The following RFC3 variants were observed in gnomAD, a reference collection of about 807,000 sequenced individuals.
The protein encoded by RFC3 is replication factor C subunit 3.
A neutral mutation model predicts 45.1 loss-of-function variants in RFC3; 41 were observed. The observed-to-expected ratio is 0.91, with a 90% confidence interval of 0.71 to 1.18. RFC3 has a LOEUF of 1.18. Ranked by LOEUF, RFC3 falls within the 50% of genes most tolerant of loss-of-function variation. The pLI, the probability that RFC3 is intolerant of heterozygous loss-of-function variation, is 0.00. For missense variants in RFC3, 423 were observed against 428.1 expected, an observed-to-expected ratio of 0.99 and a Z score of 0.10; for synonymous variants, 149 against 144.0, an observed-to-expected ratio of 1.03 and a Z score of -0.25.
chr13:33,953,231 C>T (rs2083001095), intron 8 of RFC3, among the ~76,000 whole-genome samples: 1 of 148,192 alleles, frequency 6.7e-6, no homozygotes, highest in Admixed American at 6.8e-5. Context: ...TGTGAATATT[C>T]TGTTGCTCTG....
chr13:33,925,097 C>G (rs2082796154), intron 8 of RFC3, among the ~76,000 whole-genome samples: 1 of 140,270 alleles, frequency 7.1e-6, no homozygotes, highest in Non-Finnish European at 1.5e-5. Flanking sequence ...ATATAGTGTA[C>G]TATATACACG....
At chr13:33,899,450 A>G (rs1334800977) in intron 8 of RFC3, among the ~76,000 whole-genome samples, 1 of 151,818 alleles carries the variant, frequency 6.6e-6, no homozygotes, top group East Asian at 1.9e-4. Flanking sequence ...ATTTCAATAG[A>G]TGCTAAAAAC....
At position 33,910,757 on chromosome 13, in the gene RFC3, G is replaced by T. The variant is rs529450344; in HGVS notation, c.880-55330G>T. On this transcript the variant is annotated intron_variant, in intron 8 of 8. Coordinates refer to the RFC3 transcript ENST00000434425. Reference sequence around the variant, plus strand: ...ACTGGGTAATTTATAAAGAAAAAAGGTATAATTGACTCATGGTTCCACAGG... The same window carrying T: ...ACTGGGTAATTTATAAAGAAAAAAGTTATAATTGACTCATGGTTCCACAGG... 4.6e-5 allele frequency among the ~76,000 whole-genome samples: 7 copies of T among 152,182 alleles called. No homozygotes were observed. In the South Asian group the frequency reaches 8.3e-4, roughly 18 times the overall value.
downstream of RFC3, among the ~76,000 whole-genome samples, chr13:33,842,489 C>T (rs960832907): frequency 6.6e-6 from 1 of 152,146 alleles, no homozygotes; most frequent in Non-Finnish European, 1.5e-5. Context: ...CAACTCTTAA[C>T]GTAGGAGTGC....
rs775443068 is a variant in RFC3, at chr13:33,818,214, C to T, written c.36C>T (p.Ser12=). 26 of 1,613,540 alleles carry T rather than the reference C, an allele frequency of 1.6e-5. No individual in the cohort carries two copies. Among genetic ancestry groups the T allele is most frequent in the Non-Finnish European group, 1.9e-5 (23 of 1,179,998 alleles). The change falls in exon 1 of 9, where the codon TCC becomes TCT. Residue 12 remains serine, a synonymous_variant. Transcript: ENST00000380071. ...GGGTGGACAAGTATCGGCCCTGCTCCTTGGGACGGCTGGACTATCACAAGG... is the reference window on the plus strand; with the variant it reads ...GGGTGGACAAGTATCGGCCCTGCTCTTTGGGACGGCTGGACTATCACAAGG... ...SLWVDKYRPC[S]LGRLDYHKEQ...
chr13:33,927,037 T>TTA (rs1253819674), intron 8 of RFC3, among the ~76,000 whole-genome samples: 4 of 152,038 alleles, frequency 2.6e-5, no homozygotes, highest in African/African-American at 9.7e-5. Flanking sequence ...TGATAATAGA[T>TTA]TATATATCAT....
At chr13:33,910,997 A>C (rs542465221) in intron 8 of RFC3, among the ~76,000 whole-genome samples, 19 of 152,042 alleles carry the variant, frequency 1.2e-4, no homozygotes, top group Non-Finnish European at 2.6e-4. Flanking sequence ...ACCTCTCACC[A>C]CACCCCACCT....
At chr13:33,858,764 C>T (rs960198812) in intron 8 of RFC3, among the ~76,000 whole-genome samples, 1 of 152,096 alleles carries the variant, frequency 6.6e-6, no homozygotes, top group South Asian at 2.1e-4. Context: ...TATCTCTGTT[C>T]TATCCATGGA....
intron 8 of RFC3, among the ~76,000 whole-genome samples, chr13:33,866,834 T>C (rs2082376762): frequency 6.6e-6 from 1 of 152,176 alleles, no homozygotes; most frequent in Non-Finnish European, 1.5e-5. Context: ...GAGGAATAGG[T>C]ATTTAAAAAG....
At chr13:33,924,191 G>A (rs758191354) in intron 8 of RFC3, among the ~76,000 whole-genome samples, 2 of 152,138 alleles carry the variant, frequency 1.3e-5, no homozygotes, top group Non-Finnish European at 2.9e-5. Flanking sequence ...AAAGACAAGT[G>A]TAGATGTATT....
chr13:33,954,858 A>G lies in RFC3; in HGVS notation c.880-11229A>G, dbSNP rs529250065. On this transcript the variant is annotated intron_variant, in intron 8 of 8. Transcript: ENST00000434425. The stretch of plus-strand genomic sequence containing the variant: ...ACACACTGGGGATAAAGGCTTCAAC[A>G]TATGAATTTTAGGGGAACACAAACC... Among the ~76,000 whole-genome samples, 571 of 152,358 alleles carry G rather than the reference A, an allele frequency of 3.7e-3. 3 individuals are homozygous for G. Among genetic ancestry groups the G allele is most frequent in the Non-Finnish European group, 5.7e-3 (386 of 68,036 alleles).
At chr13:33,932,146 C>G (rs771204105) in intron 8 of RFC3, among the ~76,000 whole-genome samples, 4 of 152,066 alleles carry the variant, frequency 2.6e-5, no homozygotes, top group Non-Finnish European at 5.9e-5. Context: ...TGAAATTTAC[C>G]ATCTCAATAG....
chr13:33,951,532 G>A (rs1187565344), intron 8 of RFC3, among the ~76,000 whole-genome samples: 1 of 151,886 alleles, frequency 6.6e-6, no homozygotes, highest in Non-Finnish European at 1.5e-5. Context: ...ACACCCAGCT[G>A]TAAATAACTT....
chr13:33,953,514 T>C (rs1366053732), intron 8 of RFC3, among the ~76,000 whole-genome samples: 1 of 152,122 alleles, frequency 6.6e-6, no homozygotes, highest in Non-Finnish European at 1.5e-5. Context: ...GTCATAAATA[T>C]AGTCTTAAGA....
chr13:33,862,269 T>G (rs2082345628), intron 8 of RFC3, among the ~76,000 whole-genome samples: 1 of 151,866 alleles, frequency 6.6e-6, no homozygotes, highest in Admixed American at 6.6e-5. Context: ...TTTTTTTTTT[T>G]TTTGTCTGAC....
At chr13:33,830,291 C>A (rs1028220724) in intron 5 of RFC3, among the ~76,000 whole-genome samples, 1 of 152,108 alleles carries the variant, frequency 6.6e-6, no homozygotes, top group Non-Finnish European at 1.5e-5. Context: ...TTACTGTCTT[C>A]TTTCTCAAGC....
intron 8 of RFC3, among the ~76,000 whole-genome samples, chr13:33,925,146 C>CA (rs1341025156): frequency 2.1e-5 from 3 of 144,844 alleles, no homozygotes; most frequent in Non-Finnish European, 4.5e-5. Context: ...ATATAGTGTA[C>CA]TATATACATA....
chr13:33,879,750 C>T (rs1377820055), intron 8 of RFC3, among the ~76,000 whole-genome samples: 2 of 152,150 alleles, frequency 1.3e-5, no homozygotes, highest in South Asian at 2.1e-4. Context: ...ATCTACATAT[C>T]GCTTATCTTT....
At chr13:33,880,254 A>G (rs529473629) in intron 8 of RFC3, among the ~76,000 whole-genome samples, 1 of 152,370 alleles carries the variant, frequency 6.6e-6, no homozygotes, top group Non-Finnish European at 1.5e-5. Flanking sequence ...ATATGTTTAT[A>G]TAAAAGACAA....
Sources: gnomAD v4.1 joint callset for allele counts (sites outside exome capture counted in the v4.1 genomes callset) on GRCh38, gnomAD v4.1.1 for gene constraint, MANE v1.5 for transcripts, NCBI Gene and HGNC (gene_info 2026-07-23, HGNC 2026-07-21) for gene names.